Variants in PCDHGA4 observed in about 807,000 individuals in gnomAD.
PCDHGA4 encodes the protein protocadherin gamma-A4.
Under a neutral mutation model 54.6 loss-of-function variants are expected in PCDHGA4, and 38 were observed. That is an observed-to-expected ratio of 0.70 (90% confidence interval 0.54 to 0.91). PCDHGA4 has a LOEUF of 0.91. Among genes scored for constraint, PCDHGA4 ranks in the 40% least tolerant of loss-of-function variants. The probability of loss-of-function intolerance (pLI) is 0.00; values close to 1 mark genes in which losing one functional copy is unlikely to be tolerated. For missense variants in PCDHGA4, 1,298 were observed against 1,220.9 expected, an observed-to-expected ratio of 1.06 and a Z score of -0.94; for synonymous variants, 511 against 512.9, an observed-to-expected ratio of 1.00 and a Z score of 0.05.
rs1354510383 is a variant in PCDHGA4, at chr5:141,432,312, G to A, written c.2515-62495G>A. The A allele has an allele frequency of 5.6e-6, 9 of 1,614,132 alleles. No homozygotes were observed. The highest frequency in any genetic ancestry group is 7.6e-6 in the Non-Finnish European group (9 of 1,180,054). On this transcript the variant is annotated intron_variant, in intron 1 of 3. Transcript: ENST00000571252. The surrounding 1 kb of genome is among the most constrained non-coding windows in gnomAD (Gnocchi z 6.0). Reference sequence around the variant, plus strand: ...GACACTGGGGTACTGTATGCGCTGAGCTCCTTCGACTACGAGCAGTTCCGA... The same window carrying A: ...GACACTGGGGTACTGTATGCGCTGAACTCCTTCGACTACGAGCAGTTCCGA...
At chr5:141,508,682 C>G (rs2099870913) in intron 3 of PCDHGA4, among the ~76,000 whole-genome samples, 1 of 152,080 alleles carries the variant, frequency 6.6e-6, no homozygotes, top group Non-Finnish European at 1.5e-5. Context: ...TCCCTTCTCC[C>G]TGCTTCTCCG....
chr5:141,445,137 T>C (rs933188032), intron 1 of PCDHGA4, among the ~76,000 whole-genome samples: 9 of 152,248 alleles, frequency 5.9e-5, no homozygotes, highest in Admixed American at 3.3e-4. Context: ...AAATTGTATC[T>C]TCTAATTGTT....
chr5:141,357,261 G>GAGATAGAGT lies in PCDHGA4; in HGVS notation c.2154_2155insAGATAGAGT (p.Ser718_Gly719insArgTer). ...AGCCTTCAGCAGACCCAGACGACTC[G>GAGATAGAGT]GGCCTCACACTCTATCTCGTGGTGG... On this transcript the variant is annotated stop_gained and inframe_insertion, in exon 1 of 4. Transcript: ENST00000571252. LOFTEE classifies it high-confidence loss of function. 1.2e-6 allele frequency: 2 copies of GAGATAGAGT among 1,613,714 alleles called. No individual in the cohort carries two copies. The highest frequency in any genetic ancestry group is 4.5e-5 in the East Asian group (2 of 44,862).
Position 141,371,052 on chromosome 5 carries a change from C to T in PCDHGA4, c.2514+13431C>T, listed in dbSNP as rs769801850. 2.5e-6 allele frequency: 4 copies of T among 1,613,960 alleles called. No individual in the cohort carries two copies. In the South Asian group the frequency reaches 3.3e-5, roughly 13 times the overall value. ...CCTCACAGCTGTGGATGGGGGCGAGCCCTCCAGAAGCTGTACCACCCAGAT... is the reference window on the plus strand; with the variant it reads ...CCTCACAGCTGTGGATGGGGGCGAGTCCTCCAGAAGCTGTACCACCCAGAT... On this transcript the variant is annotated intron_variant, in intron 1 of 3. Coordinates refer to ENST00000571252, the MANE Select transcript of PCDHGA4 (RefSeq NM_018917.4).
intron 1 of PCDHGA4, chr5:141,403,454 C>A: frequency 6.2e-7 from 1 of 1,614,054 alleles, no homozygotes; most frequent in Non-Finnish European, 8.5e-7. Flanking sequence ...GAACTCCCTC[C>A]AGAGCTACCA....
At chr5:141,394,648 G>T (rs1294007915) in intron 1 of PCDHGA4, 1 of 1,613,404 alleles carries the variant, frequency 6.2e-7, no homozygotes, top group East Asian at 2.2e-5. Flanking sequence ...CTCAAGGCCA[G>T]CGAGCCGGGA....
chr5:141,495,547 C>G (rs2099762038), intron 2 of PCDHGA4, among the ~76,000 whole-genome samples: 1 of 152,228 alleles, frequency 6.6e-6, no homozygotes, highest in South Asian at 2.1e-4. Flanking sequence ...CAGTCTCTAT[C>G]TCGCTTTGCA....
intron 1 of PCDHGA4, chr5:141,364,345 T>G (rs1763271329): frequency 6.5e-7 from 1 of 1,542,970 alleles, no homozygotes; most frequent in African/African-American, 1.4e-5. Flanking sequence ...CGAGTCCACC[T>G]AGGGGCTGGG....
In PCDHGA4 at chr5:141,491,149, G is replaced by T; in HGVS notation, c.2515-3658G>T. 6.8e-6 allele frequency: 11 copies of T among 1,614,152 alleles called. No homozygotes were observed. The highest frequency in any genetic ancestry group is 9.3e-6 in the Non-Finnish European group (11 of 1,180,010). On this transcript the variant is annotated intron_variant, in intron 1 of 3. Transcript: ENST00000571252. This position sits in a 1 kb window ranked among gnomAD's most constrained non-coding sequence, Gnocchi z 6.9. ...GCGCACAGCCCGGGCCTTACTGGAGGATGACTCTGACACCCAGCAGGTGGT... is the reference window on the plus strand; with the variant it reads ...GCGCACAGCCCGGGCCTTACTGGAGTATGACTCTGACACCCAGCAGGTGGT...
At position 141,450,045 on chromosome 5, in the gene PCDHGA4, C is replaced by T. The variant is rs369046547; in HGVS notation, c.2515-44762C>T. On this transcript the variant is annotated intron_variant, in intron 1 of 3. Transcript: ENST00000571252. Reference sequence around the variant, plus strand: ...TTTTTGAGACAGGGTCTCACTCTTTCGCCCAGGCTGGAATGCAGTGGTATG... The same window carrying T: ...TTTTTGAGACAGGGTCTCACTCTTTTGCCCAGGCTGGAATGCAGTGGTATG... 4.6e-5 allele frequency among the ~76,000 whole-genome samples: 6 copies of T among 129,508 alleles called. No individual in the cohort carries two copies. In the South Asian group the frequency reaches 9.6e-4, roughly 21 times the overall value. 85.0% of individuals were successfully genotyped at this position (129,508 alleles called of 152,430 possible).
In PCDHGA4 at chr5:141,374,145, G is replaced by A. The variant is rs749263007; in HGVS notation, c.2514+16524G>A. 36 of 1,610,792 alleles carry A rather than the reference G, an allele frequency of 2.2e-5. No homozygotes were observed. In the Admixed American group the frequency reaches 2.8e-4, roughly 13 times the overall value. ...CAGGTCCTGCTCCTCACGCTCCTGG[G>A]GACGCTGTGGGGGGCCGCGGCAGCG... On this transcript the variant is annotated intron_variant, in intron 1 of 3. Transcript: ENST00000571252.
intron 1 of PCDHGA4, chr5:141,478,608 G>C (rs751033009): frequency 7.7e-6 from 12 of 1,558,942 alleles, no homozygotes; most frequent in Middle Eastern, 1.7e-4. Context: ...ATCATATTGA[G>C]GAAGGAATGG....
In PCDHGA4 at chr5:141,476,516, G is replaced by T. The variant is rs1042414523; in HGVS notation, c.2515-18291G>T. 1 of 1,614,016 alleles carries T rather than the reference G, an allele frequency of 6.2e-7. No individual in the cohort carries two copies. The highest frequency in any genetic ancestry group is 8.5e-7 in the Non-Finnish European group (1 of 1,180,022). ...CCAGGACATCAACGACAACAATCCT[G>T]CTTTCCCTACCCAGGAAATGAAATT... On this transcript the variant is annotated intron_variant, in intron 1 of 3. Transcript: ENST00000571252. The surrounding 1 kb of genome is among the most constrained non-coding windows in gnomAD (Gnocchi z 7.6).
At chr5:141,419,640 T>C (rs2096410171) in intron 1 of PCDHGA4, 2 of 1,612,532 alleles carry the variant, frequency 1.2e-6, no homozygotes. Context: ...GTGGTGGCCG[T>C]GGACGCGGAC....
intron 1 of PCDHGA4, chr5:141,426,679 T>A (rs1008777231): frequency 9.3e-6 from 4 of 431,308 alleles, no homozygotes; most frequent in African/African-American, 2.0e-5. Context: ...CCACCTCATT[T>A]TCCCCAAAAT....
At chr5:141,437,778 G>C (rs750813139) in intron 1 of PCDHGA4, among the ~76,000 whole-genome samples, 1 of 146,836 alleles carries the variant, frequency 6.8e-6, no homozygotes, top group Non-Finnish European at 1.5e-5. Flanking sequence ...TCAATCTGTC[G>C]CCAAGCTGGA....
chr5:141,424,294 C>G (rs1260250688), intron 1 of PCDHGA4: 1 of 152,470 alleles, frequency 6.6e-6, no homozygotes, highest in Non-Finnish European at 1.5e-5. Context: ...ATTTCTTCAT[C>G]CTATCAACAC....
chr5:141,435,804 A>AT (rs2097781092), intron 1 of PCDHGA4, among the ~76,000 whole-genome samples: 1 of 151,814 alleles, frequency 6.6e-6, no homozygotes, highest in Non-Finnish European at 1.5e-5. Flanking sequence ...CGTCCCAATT[A>AT]TTTTTTCTTT....
intron 1 of PCDHGA4, chr5:141,364,802 C>A (rs1312102403): frequency 6.8e-6 from 11 of 1,613,888 alleles, no homozygotes; most frequent in African/African-American, 5.3e-5. Flanking sequence ...TCCCTTCGCG[C>A]GGGATGCGGA....
Sources: allele counts gnomAD v4.1 joint callset (sites outside exome capture counted in the v4.1 genomes callset), GRCh38; gene constraint gnomAD v4.1.1; non-coding constraint Gnocchi (gnomAD v3.1); transcripts MANE v1.5; gene names NCBI Gene and HGNC (gene_info 2026-07-23, HGNC 2026-07-21).